LTBP1: variants seen among roughly 807,000 people sequenced by gnomAD.
LTBP1 encodes the protein latent-transforming growth factor beta-binding protein 1.
A neutral mutation model predicts 207.6 loss-of-function variants in LTBP1; 129 were observed. That is an observed-to-expected ratio of 0.62 (90% CI 0.54 to 0.72). The LOEUF (loss-of-function observed/expected upper bound fraction) is 0.72, where lower values mean the gene tolerates loss of function less well. Among genes scored for constraint, LTBP1 ranks in the 30% least tolerant of loss-of-function variants. LTBP1 has a pLI of 0.00. For missense variants in LTBP1, 2,281 were observed against 2,217.2 expected (o/e 1.03, Z -0.58); for synonymous variants, 963 against 833.7 (o/e 1.16, Z -2.67).
chr2:33,062,720 C>T (rs1227854217), intron 3 of LTBP1, among the ~76,000 whole-genome samples: 1 of 152,090 alleles, frequency 6.6e-6, no homozygotes. Flanking sequence ...TTCCAAGACC[C>T]CCAATGGATG....
intron 24 of LTBP1, among the ~76,000 whole-genome samples, chr2:33,340,873 A>C (rs1322532057): frequency 6.6e-6 from 1 of 152,128 alleles, no homozygotes; most frequent in African/African-American, 2.4e-5. Context: ...TTACAGATAG[A>C]CTGTAATAGG....
rs377015091 is a variant in LTBP1 at position 33,323,633 on chromosome 2, C to CAAAT, written c.3730+8367_3730+8368insTAAA. 9.0e-4 allele frequency among the ~76,000 whole-genome samples: 136 copies of CAAAT among 151,790 alleles called. No individual in the cohort carries two copies. The Middle Eastern group carries it at 0.017, about 19-fold the overall frequency. Reference sequence around the variant, plus strand: ...GACAGAGCAAGACTCCGTCTCAAAACAAACAAACAAACAAAAAATCATAAG... The same window carrying CAAAT: ...GACAGAGCAAGACTCCGTCTCAAAACAAATAAACAAACAAACAAAAAATCATAAG... On this transcript the variant is annotated intron_variant, in intron 24 of 33. Coordinates refer to ENST00000404816, the MANE Select transcript of LTBP1 (RefSeq NM_206943.4).
chr2:33,319,746 C>T (rs1007172817), intron 24 of LTBP1, among the ~76,000 whole-genome samples: 10 of 152,242 alleles, frequency 6.6e-5, no homozygotes, highest in East Asian at 1.9e-4. Context: ...CATGATACAG[C>T]GGCCATGTTC....
intron 15 of LTBP1, among the ~76,000 whole-genome samples, chr2:33,271,045 A>G (rs1032095050): frequency 2.0e-5 from 3 of 152,226 alleles, no homozygotes; most frequent in African/African-American, 2.4e-5. Flanking sequence ...CACTTTAGCT[A>G]TGTTGGCAAT....
intron 31 of LTBP1, among the ~76,000 whole-genome samples, chr2:33,376,368 A>C (rs1013260721): frequency 6.6e-6 from 1 of 152,252 alleles, no homozygotes; most frequent in African/African-American, 2.4e-5. Flanking sequence ...CGTGTCACAG[A>C]AAGTGTTAAC....
rs534580002 is a variant in LTBP1, at chr2:32,961,743, C to T, written c.565+12798C>T. Among the ~76,000 whole-genome samples, 5 of 152,056 alleles carry T rather than the reference C, an allele frequency of 3.3e-5. No individual in the cohort carries two copies. In the East Asian group the frequency reaches 9.7e-4, roughly 30 times the overall value. ...GGCGGATCACCTGAGGTCAGGAGTT[C>T]GAGACCAGACTGGCCAACATAGTGA... On this transcript the variant is annotated intron_variant, in intron 2 of 33. Transcript: ENST00000404816.
chr2:33,010,945 C>T (rs1443136238), intron 2 of LTBP1, among the ~76,000 whole-genome samples: 1 of 152,098 alleles, frequency 6.6e-6, no homozygotes, highest in Non-Finnish European at 1.5e-5. Context: ...GTCTCGATCT[C>T]TTGACCCCGT....
intron 5 of LTBP1, among the ~76,000 whole-genome samples, chr2:33,172,644 C>T (rs1233095823): frequency 6.6e-6 from 1 of 152,126 alleles, no homozygotes; most frequent in Admixed American, 6.6e-5. Flanking sequence ...CAGCTCTGCA[C>T]CAAGCAGACC....
chr2:33,290,898 G>T (rs2093761314), intron 19 of LTBP1, among the ~76,000 whole-genome samples: 1 of 152,144 alleles, frequency 6.6e-6, no homozygotes, highest in South Asian at 2.1e-4. Flanking sequence ...GAGAAATCTG[G>T]GCCAACGATA....
chr2:33,373,335 T>C (rs1363877043), intron 31 of LTBP1, among the ~76,000 whole-genome samples: 1 of 152,222 alleles, frequency 6.6e-6, no homozygotes, highest in Non-Finnish European at 1.5e-5. Flanking sequence ...TCAGTGTTGC[T>C]AAGAGAGCAG....
At chr2:33,139,102 C>T (rs1338933610) in intron 5 of LTBP1, among the ~76,000 whole-genome samples, 3 of 151,984 alleles carry the variant, frequency 2.0e-5, no homozygotes, top group Non-Finnish European at 2.9e-5. Context: ...TCGTGATCCG[C>T]CCGCCTCGGC....
intron 32 of LTBP1, among the ~76,000 whole-genome samples, chr2:33,393,444 CCCCAACCCCGCGAAAGG>C (rs1200963488): frequency 7.2e-6 from 1 of 138,756 alleles, no homozygotes; most frequent in Non-Finnish European, 1.6e-5. Flanking sequence ...CTCCCCCCTC[CCCCAACCCCGCGAAAGG>C]CCCTGGTGTG....
At chr2:33,072,340 T>C (rs1257140714) in intron 3 of LTBP1, among the ~76,000 whole-genome samples, 1 of 152,168 alleles carries the variant, frequency 6.6e-6, no homozygotes, top group Non-Finnish European at 1.5e-5. Flanking sequence ...CCAGTCCTCT[T>C]CGGCCTTTTA....
chr2:33,364,908 G>T (rs1285617019), intron 30 of LTBP1, among the ~76,000 whole-genome samples: 1 of 152,232 alleles, frequency 6.6e-6, no homozygotes, highest in Admixed American at 6.5e-5. Context: ...CTAGGATGAA[G>T]GGTCACTAGT....
chr2:33,022,650 C>T (rs1187679447), intron 3 of LTBP1, among the ~76,000 whole-genome samples: 1 of 152,142 alleles, frequency 6.6e-6, no homozygotes, highest in Non-Finnish European at 1.5e-5. Flanking sequence ...GAGGCAGTCA[C>T]GTTTCAGCAT....
chr2:33,326,551 C>T (rs2094429490), intron 24 of LTBP1, among the ~76,000 whole-genome samples: 1 of 151,796 alleles, frequency 6.6e-6, no homozygotes, highest in Non-Finnish European at 1.5e-5. Flanking sequence ...CATTCTTGAC[C>T]TTATTTGGGA....
At chr2:33,263,430 G>A (rs1201347432) in intron 15 of LTBP1, 38 bp downstream of exon 15, 4 of 1,448,820 alleles carry the variant, frequency 2.8e-6, no homozygotes, top group Non-Finnish European at 3.9e-6. Flanking sequence ...TCACATGGAG[G>A]AGACGTGGGG....
intron 3 of LTBP1, among the ~76,000 whole-genome samples, chr2:33,092,566 A>G (rs576832021): frequency 2.0e-5 from 3 of 152,306 alleles, no homozygotes; most frequent in Non-Finnish European, 4.4e-5. Flanking sequence ...TTCTCTCATC[A>G]TCTGTATTAT....
intron 3 of LTBP1, among the ~76,000 whole-genome samples, chr2:33,027,527 G>T (rs2149283777): frequency 6.6e-6 from 1 of 152,214 alleles, no homozygotes; most frequent in South Asian, 2.1e-4. Context: ...TGCTGTATAG[G>T]TATGTATATG....
Sources: allele counts gnomAD v4.1 joint callset (sites outside exome capture counted in the v4.1 genomes callset), GRCh38; gene constraint gnomAD v4.1.1; transcripts MANE v1.5; gene names NCBI Gene and HGNC (gene_info 2026-07-23, HGNC 2026-07-21).